Variants in GALNT17 observed in about 807,000 individuals in gnomAD.
GALNT17 encodes polypeptide N-acetylgalactosaminyltransferase 17, also known as UDP-GalNAc:polypeptide N-acetylgalactosaminyltransferase-like 3.
Under a neutral mutation model 63.7 loss-of-function variants are expected in GALNT17, and 29 were observed. That is an observed-to-expected ratio of 0.46 (90% CI 0.34 to 0.62). GALNT17 has a LOEUF of 0.62. GALNT17 is among the 20% of genes least tolerant of loss of function. GALNT17 has a pLI of 0.01. For missense variants in GALNT17, 603 were observed against 799.6 expected, an observed-to-expected ratio of 0.75 and a Z score of 2.97; for synonymous variants, 305 against 318.3, an observed-to-expected ratio of 0.96 and a Z score of 0.45.
At chr7:71,339,952 G>A (rs1791980076) in intron 2 of GALNT17, among the ~76,000 whole-genome samples, 1 of 152,226 alleles carries the variant, frequency 6.6e-6, no homozygotes, top group African/African-American at 2.4e-5. Context: ...GTTGGGTGAT[G>A]ATCACAGGGA....
intron 1 of GALNT17, among the ~76,000 whole-genome samples, chr7:71,145,649 TTTCTCCCCTCTC>T (rs1788006043): frequency 6.6e-6 from 1 of 152,188 alleles, no homozygotes; most frequent in Non-Finnish European, 1.5e-5. Flanking sequence ...TTTATTTTCA[TTTCTCCCCTCTC>T]TTCTTCCCTG....
At chr7:71,533,809 G>A (rs893614675) in intron 5 of GALNT17, among the ~76,000 whole-genome samples, 7 of 152,132 alleles carry the variant, frequency 4.6e-5, no homozygotes, top group Non-Finnish European at 7.3e-5. Context: ...GAGATGGAAG[G>A]CTGCTCCCAA....
intron 6 of GALNT17, among the ~76,000 whole-genome samples, chr7:71,610,994 A>AG (rs959523514): frequency 3.3e-5 from 5 of 151,036 alleles, no homozygotes; most frequent in African/African-American, 1.2e-4. Context: ...ATTTCAAAAA[A>AG]AAAAAAAAAA....
intron 1 of GALNT17, among the ~76,000 whole-genome samples, chr7:71,313,120 T>C (rs1791440056): frequency 6.6e-6 from 1 of 152,120 alleles, no homozygotes; most frequent in Non-Finnish European, 1.5e-5. Flanking sequence ...TTTAAAAATA[T>C]ATATCCCATC....
chr7:71,431,181 C>G (rs1466779531), intron 5 of GALNT17, among the ~76,000 whole-genome samples: 2 of 150,546 alleles, frequency 1.3e-5, no homozygotes, highest in Admixed American at 6.7e-5. Context: ...CATTCTCACC[C>G]TATGAGTATT....
intron 4 of GALNT17, among the ~76,000 whole-genome samples, chr7:71,418,831 G>A (rs937286618): frequency 1.3e-5 from 2 of 152,164 alleles, no homozygotes; most frequent in African/African-American, 4.8e-5. Flanking sequence ...GACCAGGCGT[G>A]GTGGCTTACA....
chr7:71,649,108 G>A (rs972415018), intron 6 of GALNT17, among the ~76,000 whole-genome samples: 1 of 152,130 alleles, frequency 6.6e-6, no homozygotes, highest in South Asian at 2.1e-4. Flanking sequence ...CAGCCCACCT[G>A]CCCTGACCTT....
At chr7:71,225,046 GCAACCTCCA>G (rs1789656265) in intron 1 of GALNT17, among the ~76,000 whole-genome samples, 1 of 152,070 alleles carries the variant, frequency 6.6e-6, no homozygotes, top group Non-Finnish European at 1.5e-5. Context: ...TCTGCTCACT[GCAACCTCCA>G]CCTCCTGGGT....
chr7:71,323,680 A>G (rs11771662), intron 1 of GALNT17, among the ~76,000 whole-genome samples: 47,519 of 152,154 alleles, frequency 0.31, 8,103 homozygotes, highest in Non-Finnish European at 0.38. Flanking sequence ...GCGCTTACCC[A>G]TTTCTGACAT....
At chr7:71,450,059 A>G (rs1787231566) in intron 5 of GALNT17, among the ~76,000 whole-genome samples, 2 of 148,398 alleles carry the variant, frequency 1.3e-5, no homozygotes, top group Non-Finnish European at 3.0e-5. Flanking sequence ...AAAAAAAAAG[A>G]TTGTCTAAAA....
chr7:71,134,318 A>T (rs1787741809), intron 1 of GALNT17, among the ~76,000 whole-genome samples: 1 of 152,218 alleles, frequency 6.6e-6, no homozygotes, highest in Non-Finnish European at 1.5e-5. Flanking sequence ...TGAAAACAGA[A>T]ATATGTGGAA....
intron 3 of GALNT17, among the ~76,000 whole-genome samples, chr7:71,402,941 G>A (rs139781222): frequency 4.1e-4 from 62 of 152,216 alleles, no homozygotes; most frequent in African/African-American, 1.4e-3. Context: ...CTTCCCCCCT[G>A]CCTGTAAAGA....
intron 6 of GALNT17, among the ~76,000 whole-genome samples, chr7:71,663,284 G>A (rs1790936059): frequency 6.6e-6 from 1 of 152,150 alleles, no homozygotes; most frequent in Non-Finnish European, 1.5e-5. Context: ...AATTTTGGGT[G>A]TATTACCATC....
rs190493375 is a variant in GALNT17, at chr7:71,377,063, G to A, written c.423-11172G>A. On this transcript the variant is annotated intron_variant, in intron 2 of 10. Coordinates refer to ENST00000333538, the MANE Select transcript of GALNT17 (RefSeq NM_022479.3). ...ATTGTGCCACTGCACTCCAGCCCGGGCAACAGAGCGATATTCCATCTCAAA... is the reference window on the plus strand; with the variant it reads ...ATTGTGCCACTGCACTCCAGCCCGGACAACAGAGCGATATTCCATCTCAAA... 4.2e-3 allele frequency among the ~76,000 whole-genome samples: 520 copies of A among 124,148 alleles called. 4 individuals carry two copies. Among genetic ancestry groups the A allele is most frequent in the African/African-American group, 0.015 (489 of 31,730 alleles). 81.4% of individuals were successfully genotyped at this position (124,148 alleles called of 152,430 possible).
intron 6 of GALNT17, among the ~76,000 whole-genome samples, chr7:71,615,059 C>T (rs1222004334): frequency 1.3e-5 from 2 of 152,150 alleles, no homozygotes; most frequent in African/African-American, 4.8e-5. Flanking sequence ...GTTTCAAGAC[C>T]AGCGTGATTG....
intron 5 of GALNT17, among the ~76,000 whole-genome samples, chr7:71,449,108 C>CTTTTTTGTTTTTTTT (rs1787211431): frequency 1.4e-5 from 1 of 72,752 alleles, no homozygotes; most frequent in African/African-American, 5.7e-5. Flanking sequence ...TGCCTATTTT[C>CTTTTTTGTTTTTTTT]TTTTTTTTTT....
intron 5 of GALNT17, among the ~76,000 whole-genome samples, chr7:71,563,795 C>T (rs1314061006): frequency 6.6e-6 from 1 of 151,982 alleles, no homozygotes; most frequent in South Asian, 2.1e-4. Context: ...CCAGGCTGGC[C>T]TCAAACTCCT....
chr7:71,505,302 A>T (rs1406561762), intron 5 of GALNT17, among the ~76,000 whole-genome samples: 1 of 152,086 alleles, frequency 6.6e-6, no homozygotes, highest in African/African-American at 2.4e-5. Flanking sequence ...ATCCCTCAGA[A>T]GTCAGCTCTC....
At chr7:71,167,081 C>G (rs1405811471) in intron 1 of GALNT17, among the ~76,000 whole-genome samples, 2 of 131,110 alleles carry the variant, frequency 1.5e-5, no homozygotes, top group African/African-American at 5.8e-5. Flanking sequence ...GAGACAGGGT[C>G]TCTCTGTGTT....
Sources: gnomAD v4.1 joint callset for allele counts (sites outside exome capture counted in the v4.1 genomes callset) on GRCh38, gnomAD v4.1.1 for gene constraint, MANE v1.5 for transcripts, NCBI Gene and HGNC (gene_info 2026-07-23, HGNC 2026-07-21) for gene names.